The following MAD1L1 variants were observed in gnomAD, a reference collection of about 807,000 sequenced individuals.
MAD1L1 encodes the protein mitotic spindle assembly checkpoint protein MAD1.
MAD1L1 carries 95 observed loss-of-function variants against 96.9 expected under a neutral mutation model. That is an observed-to-expected ratio of 0.98 (90% confidence interval 0.83 to 1.16). MAD1L1 has a LOEUF of 1.16. Among genes scored for constraint, MAD1L1 ranks in the 50% most tolerant of loss-of-function variants. MAD1L1 has a pLI of 0.00. For synonymous variants in MAD1L1, 473 were observed against 396.6 expected (o/e 1.19, Z -2.29); for missense variants, 1,007 against 954.4 (o/e 1.06, Z -0.73).
At chr7:1,982,336 G>A (rs1780942795) in intron 14 of MAD1L1, among the ~76,000 whole-genome samples, 1 of 151,900 alleles carries the variant, frequency 6.6e-6, no homozygotes, top group South Asian at 2.1e-4. Flanking sequence ...AGCCTCCCAA[G>A]TTGCTGGGAT....
intron 11 of MAD1L1, among the ~76,000 whole-genome samples, chr7:2,112,499 G>GC (rs1562698574): frequency 6.6e-6 from 1 of 152,212 alleles, no homozygotes; most frequent in African/African-American, 2.4e-5. Context: ...CTGCACCCTC[G>GC]CAAGTCAACC....
chr7:1,985,752 G>A (rs145269230), intron 14 of MAD1L1, among the ~76,000 whole-genome samples: 54 of 148,304 alleles, frequency 3.6e-4, no homozygotes, highest in African/African-American at 1.2e-3. Flanking sequence ...CCCGTGATTC[G>A]CCTCCCCGTG....
chr7:2,070,619 C>G lies in MAD1L1; in HGVS notation c.1074-1281G>C, dbSNP rs553296968. Reference sequence around the variant, plus strand: ...CGCAGAGCGGAACGGCGCTGGAACACGGGAGCTGCACACGACTCTATTGAG... The same window carrying G: ...CGCAGAGCGGAACGGCGCTGGAACAGGGGAGCTGCACACGACTCTATTGAG... On this transcript the variant is annotated intron_variant, in intron 11 of 18. Coordinates refer to ENST00000265854, the MANE Select transcript of MAD1L1 (RefSeq NM_001013836.2). 9.4e-5 allele frequency among the ~76,000 whole-genome samples: 14 copies of G among 149,170 alleles called. No individual in the cohort carries two copies. In the East Asian group the frequency reaches 2.1e-3, roughly 22 times the overall value.
chr7:2,150,418 T>G (rs970387179), intron 10 of MAD1L1, among the ~76,000 whole-genome samples: 4 of 152,046 alleles, frequency 2.6e-5, no homozygotes, highest in African/African-American at 4.8e-5. Context: ...CCACTGACCT[T>G]TCCTGTCACT....
intron 12 of MAD1L1, among the ~76,000 whole-genome samples, chr7:2,039,736 T>C (rs1001786224): frequency 6.6e-6 from 1 of 152,130 alleles, no homozygotes; most frequent in East Asian, 1.9e-4. Context: ...GTTTTGAGAG[T>C]TTTCTCATCT....
chr7:2,011,680 G>A (rs911497337), intron 13 of MAD1L1, among the ~76,000 whole-genome samples: 5 of 152,204 alleles, frequency 3.3e-5, no homozygotes, highest in Non-Finnish European at 4.4e-5. Context: ...ATCAGGTCAC[G>A]CTGTCATGCA....
chr7:2,208,096 T>C (rs1003983943), intron 10 of MAD1L1, among the ~76,000 whole-genome samples: 5 of 152,228 alleles, frequency 3.3e-5, no homozygotes, highest in Non-Finnish European at 5.9e-5. Context: ...AGGTGATCTT[T>C]AATGTCTCAG....
intron 18 of MAD1L1, among the ~76,000 whole-genome samples, chr7:1,895,620 A>G (rs746967660): frequency 6.6e-6 from 1 of 152,216 alleles, no homozygotes; most frequent in Non-Finnish European, 1.5e-5. Context: ...TGTCCACCTG[A>G]GCCAGCCCCC....
intron 17 of MAD1L1, among the ~76,000 whole-genome samples, chr7:1,920,973 G>C (rs1456280522): frequency 2.0e-5 from 3 of 152,228 alleles, no homozygotes; most frequent in African/African-American, 7.2e-5. Flanking sequence ...GCTCGGCTCT[G>C]AGCCCTGGAG....
At chr7:2,031,178 CG>C (rs1176796613) in intron 12 of MAD1L1, among the ~76,000 whole-genome samples, 3 of 152,182 alleles carry the variant, frequency 2.0e-5, no homozygotes, top group Non-Finnish European at 2.9e-5. Context: ...AGAGGAAGCA[CG>C]GGGTCCTCTC....
intron 15 of MAD1L1, among the ~76,000 whole-genome samples, chr7:1,966,819 A>AGGGCCGC (rs1277213399): frequency 2.2e-4 from 33 of 152,372 alleles, no homozygotes; most frequent in African/African-American, 7.2e-4. Flanking sequence ...CTGGGAGGCG[A>AGGGCCGC]GGGCCGCGGG....
At position 2,154,652 on chromosome 7, in the gene MAD1L1, T is replaced by G. The variant is rs117308232; in HGVS notation, c.987-5414A>C. Among the ~76,000 whole-genome samples the G allele has an allele frequency of 3.7e-4, 56 of 152,062 alleles. No homozygotes were observed. In the East Asian group the frequency reaches 9.3e-3, roughly 25 times the overall value. On this transcript the variant is annotated intron_variant, in intron 10 of 18. Transcript: ENST00000265854. ...AATAAATAAATGGTAAATAAATAAA[T>G]AAAAGAAAATGGGCTCTCTGGGGAT... is the stretch of plus-strand genomic sequence containing the variant.
intron 10 of MAD1L1, among the ~76,000 whole-genome samples, chr7:2,179,822 T>A (rs1476271155): frequency 6.6e-6 from 1 of 151,740 alleles, no homozygotes; most frequent in African/African-American, 2.4e-5. Flanking sequence ...ATACAAAAAA[T>A]TAGCTGGGCG....
At chr7:1,935,749 G>T (rs1055506137) in intron 17 of MAD1L1, among the ~76,000 whole-genome samples, 1 of 152,228 alleles carries the variant, frequency 6.6e-6, no homozygotes, top group African/African-American at 2.4e-5. Context: ...GGTATCATCG[G>T]ATGAAAGCTG....
At chr7:2,132,846 C>T (rs1788582412) in intron 11 of MAD1L1, among the ~76,000 whole-genome samples, 2 of 152,254 alleles carry the variant, frequency 1.3e-5, no homozygotes, top group East Asian at 1.9e-4. Context: ...AGGTTGACAA[C>T]TGATCCCCAC....
chr7:2,226,918 C>A (rs1164928234), intron 3 of MAD1L1, among the ~76,000 whole-genome samples: 1 of 151,218 alleles, frequency 6.6e-6, no homozygotes, highest in African/African-American at 2.4e-5. Context: ...ACCCAGGAGG[C>A]GAAGGTTGCA....
At chr7:2,018,178 G>A (rs1280217618) in intron 12 of MAD1L1, among the ~76,000 whole-genome samples, 1 of 152,164 alleles carries the variant, frequency 6.6e-6, no homozygotes. Context: ...CACACCCAAC[G>A]AAGCCCACAT....
chr7:2,136,082 G>A lies in MAD1L1; in HGVS notation c.1073+13070C>T, dbSNP rs117402441. On this transcript the variant is annotated intron_variant, in intron 11 of 18. Transcript: ENST00000265854. ...TCCAAGCTCAATGAGACAGAAACAGGAAGCCGCACTTGCCCCACGCTGACC... is the reference window on the plus strand; with the variant it reads ...TCCAAGCTCAATGAGACAGAAACAGAAAGCCGCACTTGCCCCACGCTGACC... 1.1e-4 allele frequency among the ~76,000 whole-genome samples: 17 copies of A among 152,186 alleles called. No homozygotes were observed. In the East Asian group the frequency reaches 2.9e-3, roughly 26 times the overall value.
chr7:1,888,354 GTGCA>G (rs1406733285), intron 18 of MAD1L1, among the ~76,000 whole-genome samples: 1 of 151,596 alleles, frequency 6.6e-6, no homozygotes. Flanking sequence ...GTGCATGTGT[GTGCA>G]TGCATGCGTG....
Sources: allele counts gnomAD v4.1 joint callset (sites outside exome capture counted in the v4.1 genomes callset), GRCh38; gene constraint gnomAD v4.1.1; transcripts MANE v1.5; gene names NCBI Gene and HGNC (gene_info 2026-07-23, HGNC 2026-07-21).